C10orf71: variants seen among roughly 807,000 people sequenced by gnomAD.
C10orf71 encodes the protein chromosome 10 open reading frame 71.
For synonymous variants in C10orf71, 758 were observed against 726.3 expected (o/e 1.04, Z -0.70); for missense variants, 1,869 against 1,804.5 (o/e 1.04, Z -0.65).
At chr10:49,319,243 G>A (rs4536129) in intron 2 of C10orf71, among the ~76,000 whole-genome samples, 62 of 152,090 alleles carry the variant, frequency 4.1e-4, no homozygotes, top group Non-Finnish European at 7.9e-4. Flanking sequence ...GTGTGCCAGG[G>A]GAAGCCGTAA....
chr10:49,325,314 G>T lies in C10orf71; in HGVS notation c.2769G>T (p.Arg923=). The part of the protein sequence containing the change: ...ILGTSTPTNT[R]GTRVKCMANE... The stretch of plus-strand genomic sequence containing the variant: ...GTACATCGACACCCACTAACACACG[G>T]GGCACACGTGTGAAGTGCATGGCCA... The change falls in exon 3 of 3, where the codon CGG becomes CGT. Residue 923 remains arginine, a synonymous_variant. Coordinates refer to ENST00000374144, the MANE Select transcript of C10orf71 (RefSeq NM_001135196.2). The T allele has an allele frequency of 6.4e-7, 1 of 1,551,712 alleles. No homozygotes were observed. Among genetic ancestry groups the T allele is most frequent in the Non-Finnish European group, 8.7e-7 (1 of 1,147,008 alleles).
intron 1 of C10orf71, among the ~76,000 whole-genome samples, chr10:49,303,469 C>T (rs1017680776): frequency 6.6e-6 from 1 of 152,210 alleles, no homozygotes; most frequent in Non-Finnish European, 1.5e-5. Context: ...CCTCCCATCA[C>T]TCAAGACCCA....
chr10:49,313,959 G>A (rs545003436), intron 1 of C10orf71, among the ~76,000 whole-genome samples: 1 of 152,324 alleles, frequency 6.6e-6, no homozygotes, highest in Admixed American at 6.5e-5. Flanking sequence ...ACTGTAGAGT[G>A]AGAAGAGAAG....
Position 49,322,670 on chromosome 10 carries a change from T to A in C10orf71, c.125T>A (p.Ile42Asn). ...GACCGGGCATTCCGGAGTTTGTGCA[T>A]CTCCGAGGACACATCCTTCCATGAC... ...LTDRAFRSLCISEDTSFHDSY... is the reference protein window; with the variant it reads ...LTDRAFRSLCNSEDTSFHDSY... Residue 42 changes from isoleucine (I) to asparagine (N), a missense_variant, in exon 3 of 3, where the codon ATC becomes AAC. By Grantham distance (149) the Ile-to-Asn change is moderately radical. Coordinates refer to ENST00000374144, the MANE Select transcript of C10orf71 (RefSeq NM_001135196.2). The A allele has an allele frequency of 6.2e-7, 1 of 1,613,816 alleles. No individual in the cohort carries two copies. Among genetic ancestry groups the A allele is most frequent in the Non-Finnish European group, 8.5e-7 (1 of 1,179,804 alleles).
Position 49,323,771 on chromosome 10 carries a change from C to A in C10orf71, c.1226C>A (p.Pro409Gln), listed in dbSNP as rs749875321. The change falls in exon 3 of 3, where the codon CCA (proline) becomes CAA (glutamine). Residue 409 changes from proline (P) to glutamine (Q), a missense_variant. Pro to Gln is a moderately conservative substitution (Grantham distance 76). Transcript: ENST00000374144. ...EEKTQTNQRG[P>Q]PLYTKHNPQE... ...AAGACACAGACCAACCAGAGAGGCC[C>A]ACCTTTGTATACAAAACACAACCCC... is the stretch of plus-strand genomic sequence containing the variant. 2 of 1,613,850 alleles carry A rather than the reference C, an allele frequency of 1.2e-6. No homozygotes were observed. Among genetic ancestry groups the A allele is most frequent in the African/African-American group, 2.7e-5 (2 of 74,888 alleles).
At chr10:49,317,981 C>T (rs1302625346) in intron 2 of C10orf71, among the ~76,000 whole-genome samples, 6 of 152,136 alleles carry the variant, frequency 3.9e-5, no homozygotes, top group Non-Finnish European at 8.8e-5. Context: ...AGGCTAGGAT[C>T]GATTCTTCCT....
In C10orf71 at chr10:49,326,489, C is replaced by A. The variant is rs1345267323; in HGVS notation, c.3944C>A (p.Ser1315Tyr). ...TATGTCAAGGTCTCCATCCCGTCCT[C>A]CGAGGGGGCCTCCCCAGAGCCGCCC... Reference protein sequence around the residue: ...GKYVKVSIPSSEGASPEPPPP... With the variant: ...GKYVKVSIPSYEGASPEPPPP... The change falls in exon 3 of 3, where the codon TCC (serine) becomes TAC (tyrosine). Residue 1315 changes from serine to tyrosine, a missense_variant. Physicochemically the swap from Ser to Tyr is moderately radical, Grantham distance 144. Transcript: ENST00000374144. 1.3e-6 allele frequency: 2 copies of A among 1,550,292 alleles called. No homozygotes were observed. The highest frequency in any genetic ancestry group is 1.7e-6 in the Non-Finnish European group (2 of 1,146,720).
intron 1 of C10orf71, among the ~76,000 whole-genome samples, chr10:49,306,056 G>A (rs1231664531): frequency 1.3e-5 from 2 of 152,266 alleles, no homozygotes; most frequent in Non-Finnish European, 2.9e-5. Flanking sequence ...AGAAACCTCT[G>A]CTCTGTGGAG....
chr10:49,306,793 AG>A (rs1335005701), intron 1 of C10orf71, among the ~76,000 whole-genome samples: 6 of 152,236 alleles, frequency 3.9e-5, no homozygotes, highest in African/African-American at 1.4e-4. Flanking sequence ...AAGGGCACAG[AG>A]CAGCACGAGG....
chr10:49,306,872 T>C (rs1034550928), intron 1 of C10orf71, among the ~76,000 whole-genome samples: 29 of 152,290 alleles, frequency 1.9e-4, no homozygotes, highest in African/African-American at 6.5e-4. Context: ...GAGCCATGTG[T>C]CCCTTCTCCA....
In C10orf71 at chr10:49,327,098, C is replaced by T. The variant is rs189513968; in HGVS notation, c.*245C>T. The T allele has an allele frequency of 1.0e-3, 1,404 of 1,384,756 alleles. 5 individuals carry two copies. In the African/African-American group the frequency reaches 0.011, roughly 10 times the overall value. The allele number at this position is 1,384,756 out of a possible 1,614,324, so 85.8% of individuals were successfully genotyped here. On this transcript the variant is annotated 3_prime_UTR_variant, in exon 3 of 3. Coordinates refer to ENST00000374144, the MANE Select transcript of C10orf71 (RefSeq NM_001135196.2). ...ACTGCTTGCTTGGCCCGGTCCCCTCCGTGCCAGTTCCCAGGCGCACTCTAC... is the reference window on the plus strand; with the variant it reads ...ACTGCTTGCTTGGCCCGGTCCCCTCTGTGCCAGTTCCCAGGCGCACTCTAC...
At chr10:49,318,067 A>G (rs1177347005) in intron 2 of C10orf71, among the ~76,000 whole-genome samples, 1 of 152,122 alleles carries the variant, frequency 6.6e-6, no homozygotes, top group Non-Finnish European at 1.5e-5. Flanking sequence ...GCGGCAATAC[A>G]TTTTCAATGT....
rs373346473 is a variant in C10orf71 at position 49,299,635 on chromosome 10, GCT to G, written c.-248+403_-248+404del. 1.9e-3 allele frequency among the ~76,000 whole-genome samples: 288 copies of G among 152,306 alleles called. 1 individual carries two copies. The highest frequency in any genetic ancestry group is 2.8e-3 in the Non-Finnish European group (191 of 68,012). On this transcript the variant is annotated intron_variant, in intron 1 of 2. Transcript: ENST00000374144. ...GTGTTGGGGCTAAGGTTCTTGGTGT[GCT>G]GGATGGGCCTCGGGGACCACGTACC...
intron 1 of C10orf71, among the ~76,000 whole-genome samples, chr10:49,312,156 C>A (rs923771771): frequency 1.3e-5 from 2 of 152,156 alleles, no homozygotes; most frequent in African/African-American, 4.8e-5. Context: ...AATACACATC[C>A]TTGAGTGTAA....
chr10:49,326,641 C>G lies in C10orf71; in HGVS notation c.4096C>G (p.Arg1366Gly). 1 of 1,550,136 alleles carries G rather than the reference C, an allele frequency of 6.5e-7. No individual in the cohort carries two copies. The highest frequency in any genetic ancestry group is 1.2e-5 in the South Asian group (1 of 84,030). The part of the protein sequence containing the change: ...SAPTFLRQGP[R>G]ASAARARTQS... Reference sequence around the variant, plus strand: ...GCCCACCTTCCTCAGGCAGGGCCCTCGTGCCTCCGCGGCCCGCGCCAGGAC... The same window carrying G: ...GCCCACCTTCCTCAGGCAGGGCCCTGGTGCCTCCGCGGCCCGCGCCAGGAC... The change falls in exon 3 of 3, where the codon CGT becomes GGT. Residue 1366 changes from arginine (R) to glycine (G), a missense_variant. Physicochemically the swap from Arg to Gly is moderately radical, Grantham distance 125. Transcript: ENST00000374144.
chr10:49,300,484 G>A (rs902156734), intron 1 of C10orf71, among the ~76,000 whole-genome samples: 1 of 144,008 alleles, frequency 6.9e-6, no homozygotes, highest in East Asian at 2.1e-4. Context: ...AAAAAAAGCA[G>A]TGAAAGTTCT....
intron 1 of C10orf71, among the ~76,000 whole-genome samples, chr10:49,314,197 T>C (rs1848962014): frequency 1.3e-5 from 2 of 151,626 alleles, no homozygotes; most frequent in South Asian, 2.1e-4. Context: ...CCGAGTGAAA[T>C]GGGTAAAGAA....
At chr10:49,314,315 C>G (rs1408188723) in intron 1 of C10orf71, among the ~76,000 whole-genome samples, 1 of 152,192 alleles carries the variant, frequency 6.6e-6, no homozygotes, top group African/African-American at 2.4e-5. Flanking sequence ...ATGTTTATTT[C>G]TATGCATTCA....
intron 1 of C10orf71, among the ~76,000 whole-genome samples, chr10:49,311,420 G>C (rs953792462): frequency 3.3e-5 from 5 of 152,212 alleles, no homozygotes; most frequent in African/African-American, 4.8e-5. Context: ...AGGGCAACAT[G>C]GACCTCTGTC....
Sources: allele counts gnomAD v4.1 joint callset (sites outside exome capture counted in the v4.1 genomes callset), GRCh38; gene constraint gnomAD v4.1.1; transcripts MANE v1.5; gene names NCBI Gene and HGNC (gene_info 2026-07-23, HGNC 2026-07-21).